The following MEGF11 variants were observed in gnomAD, a reference collection of about 807,000 sequenced individuals.
MEGF11 encodes multiple EGF like domains 11, also known as multiple epidermal growth factor-like domains protein 11.
In MEGF11, 126 loss-of-function variants were observed where a neutral mutation model predicts 146.6. The observed-to-expected ratio is 0.86, with a 90% confidence interval of 0.74 to 1.00. MEGF11 has a LOEUF of 1.00. Among genes scored for constraint, MEGF11 ranks in the 50% least tolerant of loss-of-function variants. MEGF11 has a pLI of 0.00. For synonymous variants in MEGF11, 532 were observed against 583.4 expected, an observed-to-expected ratio of 0.91 and a Z score of 1.27; for missense variants, 1,509 against 1,521.2, an observed-to-expected ratio of 0.99 and a Z score of 0.13.
chr15:66,150,257 G>A (rs2089513898), intron 1 of MEGF11, among the ~76,000 whole-genome samples: 1 of 152,332 alleles, frequency 6.6e-6, no homozygotes, highest in East Asian at 1.9e-4. Context: ...GTCCAGTTGG[G>A]ATCAGGAATA....
intron 5 of MEGF11, among the ~76,000 whole-genome samples, chr15:65,986,634 A>G (rs1257474342): frequency 6.6e-6 from 1 of 152,176 alleles, no homozygotes; most frequent in Non-Finnish European, 1.5e-5. Context: ...GAAGGTGACT[A>G]AAAACTACCA....
intron 10 of MEGF11, among the ~76,000 whole-genome samples, chr15:65,936,500 T>C (rs777080898): frequency 6.6e-6 from 1 of 152,226 alleles, no homozygotes; most frequent in African/African-American, 2.4e-5. Flanking sequence ...TTCTCTTGTA[T>C]GCCAGGCAAT....
chr15:66,213,312 A>G (rs1203538156), intron 1 of MEGF11, among the ~76,000 whole-genome samples: 1 of 152,142 alleles, frequency 6.6e-6, no homozygotes, highest in African/African-American at 2.4e-5. Context: ...AGAGAGGGGA[A>G]GCAGTGTGTC....
intron 23 of MEGF11, 66 bp from the exon 24 acceptor site, chr15:65,906,207 CTTCT>C (rs1353613493): frequency 8.1e-6 from 10 of 1,228,184 alleles, no homozygotes; most frequent in East Asian, 2.5e-5. Context: ...TGCTTGTGTT[CTTCT>C]TTCTTTTCTT....
chr15:66,159,659 G>A (rs1266466418), intron 1 of MEGF11, among the ~76,000 whole-genome samples: 1 of 152,270 alleles, frequency 6.6e-6, no homozygotes, highest in African/African-American at 2.4e-5. Context: ...GAGGGGCCAC[G>A]ATGGCACTTA....
At chr15:66,040,534 G>A (rs2083928165) in intron 5 of MEGF11, among the ~76,000 whole-genome samples, 2 of 152,188 alleles carry the variant, frequency 1.3e-5, no homozygotes, top group African/African-American at 4.8e-5. Flanking sequence ...TGTCCTTCAG[G>A]TAGGGCCCCC....
chr15:66,144,453 T>C (rs367945072), intron 1 of MEGF11, among the ~76,000 whole-genome samples: 2 of 152,288 alleles, frequency 1.3e-5, no homozygotes, highest in African/African-American at 4.8e-5. Context: ...AATATCCTAG[T>C]TCTTCCCTGG....
At chr15:66,190,501 C>T (rs1258204897) in intron 1 of MEGF11, among the ~76,000 whole-genome samples, 4 of 152,144 alleles carry the variant, frequency 2.6e-5, no homozygotes, top group Admixed American at 2.6e-4. Context: ...CAGGGGCCTT[C>T]CAGAGGTCCT....
At chr15:66,219,183 G>A (rs2091668613) in intron 1 of MEGF11, among the ~76,000 whole-genome samples, 1 of 151,926 alleles carries the variant, frequency 6.6e-6, no homozygotes, top group African/African-American at 2.4e-5. Flanking sequence ...GACACCAAAA[G>A]TGCAATCCAT....
chr15:65,945,385 G>A (rs935584838), intron 10 of MEGF11, among the ~76,000 whole-genome samples: 4 of 152,142 alleles, frequency 2.6e-5, no homozygotes, highest in African/African-American at 9.7e-5. Flanking sequence ...CAGACCTGGT[G>A]TGGGGCTGCA....
chr15:66,122,198 C>T (rs1053972200), intron 3 of MEGF11, among the ~76,000 whole-genome samples: 5 of 151,038 alleles, frequency 3.3e-5, no homozygotes, highest in Admixed American at 6.6e-5. Flanking sequence ...AGGAAGCCAG[C>T]GATTGCAGTG....
rs187581644 is a variant in MEGF11, at chr15:66,133,479, C to T, written c.-8-5068G>A. On this transcript the variant is annotated intron_variant, in intron 1 of 25. Transcript: ENST00000395614. Reference sequence around the variant, plus strand: ...AATTATAGAAGATACACACACACTTCTCTACTTTTTTCTGAATAAAACAAA... The same window carrying T: ...AATTATAGAAGATACACACACACTTTTCTACTTTTTTCTGAATAAAACAAA... Among the ~76,000 whole-genome samples the T allele has an allele frequency of 3.3e-4, 50 of 152,364 alleles. 1 individual carries two copies. Among genetic ancestry groups the T allele is most frequent in the Admixed American group, 3.3e-3 (50 of 15,308 alleles).
At chr15:66,225,917 C>G (rs992073732) in intron 1 of MEGF11, among the ~76,000 whole-genome samples, 1 of 152,150 alleles carries the variant, frequency 6.6e-6, no homozygotes, top group African/African-American at 2.4e-5. Flanking sequence ...ATGTCCACAC[C>G]CACACTCACA....
chr15:65,983,501 C>T (rs183134307), intron 5 of MEGF11, among the ~76,000 whole-genome samples: 92 of 152,308 alleles, frequency 6.0e-4, no homozygotes, highest in African/African-American at 2.1e-3. Flanking sequence ...CAGGCATGGA[C>T]AGGCACACAT....
intron 10 of MEGF11, among the ~76,000 whole-genome samples, chr15:65,938,922 GC>G (rs1251925821): frequency 6.6e-6 from 1 of 152,136 alleles, no homozygotes; most frequent in Non-Finnish European, 1.5e-5. Flanking sequence ...TTGTAGTTTG[GC>G]CCTGTTTGGG....
At chr15:66,147,080 CCT>C (rs980946614) in intron 1 of MEGF11, among the ~76,000 whole-genome samples, 8 of 152,268 alleles carry the variant, frequency 5.3e-5, no homozygotes, top group African/African-American at 1.9e-4. Flanking sequence ...TGGATTGTCT[CCT>C]GAGTCTCTTC....
At chr15:66,198,596 C>G in intron 1 of MEGF11, among the ~76,000 whole-genome samples, 1 of 152,230 alleles carries the variant, frequency 6.6e-6, no homozygotes, top group East Asian at 1.9e-4. Flanking sequence ...AGTGATTCTC[C>G]TGCCTCAGCC....
At chr15:66,001,267 T>G (rs1023318806) in intron 5 of MEGF11, among the ~76,000 whole-genome samples, 4 of 152,160 alleles carry the variant, frequency 2.6e-5, no homozygotes, top group Non-Finnish European at 4.4e-5. Flanking sequence ...GTCTATTCTA[T>G]GCAGTGCACA....
intron 1 of MEGF11, among the ~76,000 whole-genome samples, chr15:66,233,473 T>G (rs552453947): frequency 1.2e-4 from 19 of 152,288 alleles, no homozygotes; most frequent in African/African-American, 4.6e-4. Flanking sequence ...TGACCTCAAG[T>G]GATCCGCCCA....
Sources: gnomAD v4.1 joint callset for allele counts (sites outside exome capture counted in the v4.1 genomes callset) on GRCh38, gnomAD v4.1.1 for gene constraint, MANE v1.5 for transcripts, NCBI Gene and HGNC (gene_info 2026-07-23, HGNC 2026-07-21) for gene names.